MSR1: variants seen among roughly 807,000 people sequenced by gnomAD.
MSR1 encodes macrophage scavenger receptor 1, also known as macrophage scavenger receptor types I and II.
MSR1 carries 53 observed loss-of-function variants against 47.2 expected under a neutral mutation model. That is an observed-to-expected ratio of 1.12 (90% confidence interval 0.90 to 1.41). MSR1 has a LOEUF of 1.41. MSR1 is among the 40% of genes most tolerant of loss of function. The pLI, the probability that MSR1 is intolerant of heterozygous loss-of-function variation, is 0.00. For synonymous variants in MSR1, 239 were observed against 185.6 expected (o/e 1.29, Z -2.34); for missense variants, 786 against 546.9 (o/e 1.44, Z -4.36).
At chr8:16,176,219 G>C (rs1311822167) in intron 2 of MSR1, among the ~76,000 whole-genome samples, 1 of 152,084 alleles carries the variant, frequency 6.6e-6, no homozygotes, top group African/African-American at 2.4e-5. Context: ...GTAAAGAAAA[G>C]AGAAGAGCTG....
intron 9 of MSR1, among the ~76,000 whole-genome samples, chr8:16,115,811 C>G (rs981603328): frequency 2.0e-5 from 3 of 151,744 alleles, no homozygotes; most frequent in African/African-American, 7.3e-5. Flanking sequence ...GAACCTGTCT[C>G]TATAAGAAAT....
chr8:16,171,881 C>T (rs1035473856), intron 3 of MSR1, among the ~76,000 whole-genome samples: 3 of 152,110 alleles, frequency 2.0e-5, no homozygotes, highest in African/African-American at 7.2e-5. Flanking sequence ...TCTATTTCAC[C>T]ACCTGTATAA....
intron 3 of MSR1, among the ~76,000 whole-genome samples, chr8:16,174,253 T>TTG (rs1801574138): frequency 1.3e-5 from 2 of 151,574 alleles, no homozygotes; most frequent in Non-Finnish European, 3.0e-5. Context: ...TAGGAACTTT[T>TTG]TTGTTGTTGT....
intron 9 of MSR1, among the ~76,000 whole-genome samples, chr8:16,115,094 G>A (rs148464960): frequency 0.019 from 2,889 of 152,160 alleles, 102 homozygotes; most frequent in African/African-American, 0.065. Flanking sequence ...TAGGAGAATC[G>A]CTTGAACCTG....
rs1264648133 is a variant in MSR1, at chr8:16,150,318, T to G, written c.899-7A>C. On this transcript the variant is annotated splice_polypyrimidine_tract_variant and splice_region_variant and intron_variant, in intron 6 of 9. Transcript: ENST00000262101. ...CCTTTAAGACCCGGAGGACCTACAT[T>G]ATTAACGAAGAAAAAAAGAAGGTAA... is the stretch of plus-strand genomic sequence containing the variant. 4.5e-6 allele frequency: 7 copies of G among 1,540,766 alleles called. No individual in the cohort carries two copies. Among genetic ancestry groups the G allele is most frequent in the Non-Finnish European group, 6.2e-6 (7 of 1,135,418 alleles).
rs762108439 is a variant in MSR1, at chr8:16,164,135, G to C, written c.747C>G (p.Asn249Lys). 1 of 1,611,984 alleles carries C rather than the reference G, an allele frequency of 6.2e-7. No homozygotes were observed. Among genetic ancestry groups the C allele is most frequent in the East Asian group, 2.2e-5 (1 of 44,712 alleles). The change falls in exon 5 of 10, where the codon AAC becomes AAG. Residue 249 changes from asparagine to lysine, a missense_variant. Transcript: ENST00000262101. ...EIKGEVKVLN[N>K]ITNDLRLKDW... ...CTTTCAGTCTGAGATCATTAGTGAT[G>C]TTATTCAGTACTTTCACTTCTCCTT...
intron 1 of MSR1, among the ~76,000 whole-genome samples, chr8:16,190,821 A>G (rs1285828450): frequency 8.0e-5 from 12 of 150,942 alleles, no homozygotes; most frequent in African/African-American, 2.7e-4. Flanking sequence ...TCCTGGGTTC[A>G]TGTGATTCTC....
At chr8:16,154,405 C>A (rs768998520) in intron 6 of MSR1, among the ~76,000 whole-genome samples, 2 of 151,740 alleles carry the variant, frequency 1.3e-5, no homozygotes, top group Non-Finnish European at 2.9e-5. Context: ...TCTTCTGTGT[C>A]TTCTTTCAAA....
rs201351339 is a variant in MSR1 at position 16,177,913 on chromosome 8, G to A, written c.76C>T (p.Arg26Cys). The change falls in exon 2 of 10, where the codon CGC (arginine) becomes TGC (cysteine). Residue 26 changes from arginine to cysteine, a missense_variant. By Grantham distance (180) the Arg-to-Cys change is radical (BLOSUM62 -3). Coordinates refer to ENST00000262101, the MANE Select transcript of MSR1 (RefSeq NM_138715.3). Reference sequence around the variant, plus strand: ...GGAGGAAGCAAAGCTGTCATTGAGCGAGCATCAAATTTCACAGATTCGGAG... The same window carrying A: ...GGAGGAAGCAAAGCTGTCATTGAGCAAGCATCAAATTTCACAGATTCGGAG... ...SCSESVKFDA[R>C]SMTALLPPNP... 2.0e-5 allele frequency: 32 copies of A among 1,613,708 alleles called. No individual in the cohort carries two copies. In the East Asian group the frequency reaches 2.5e-4, roughly 12 times the overall value.
chr8:16,141,203 T>C lies in MSR1; in HGVS notation c.1033+2355A>G, dbSNP rs1057254791. The C allele has an allele frequency of 1.3e-5, 10 of 752,936 alleles. No individual in the cohort carries two copies. In the African/African-American group the frequency reaches 1.4e-4, roughly 11 times the overall value. The allele number at this position is 752,936 out of a possible 1,614,324, so 46.6% of individuals were successfully genotyped here. On this transcript the variant is annotated intron_variant, in intron 8 of 9. Transcript: ENST00000262101. Reference sequence around the variant, plus strand: ...ATCAGGCACTTTCATACAGAATAAATTGGTACAAGCTTTTAGCAGCCATTT... The same window carrying C: ...ATCAGGCACTTTCATACAGAATAAACTGGTACAAGCTTTTAGCAGCCATTT...
intron 7 of MSR1, among the ~76,000 whole-genome samples, chr8:16,148,138 T>C (rs1269670818): frequency 6.6e-6 from 1 of 152,176 alleles, no homozygotes; most frequent in Non-Finnish European, 1.5e-5. Context: ...CAGTATGGAA[T>C]TAATCACTCC....
intron 1 of MSR1, among the ~76,000 whole-genome samples, chr8:16,189,756 A>G (rs1324648591): frequency 7.8e-6 from 1 of 128,974 alleles, no homozygotes; most frequent in Non-Finnish European, 1.6e-5. Context: ...CTTATTTTAT[A>G]TATATTTTAT....
At chr8:16,137,978 C>A (rs1585150659) in intron 8 of MSR1, among the ~76,000 whole-genome samples, 1 of 147,922 alleles carries the variant, frequency 6.8e-6, no homozygotes, top group African/African-American at 2.5e-5. Flanking sequence ...TGCAACAGAG[C>A]AAGACTCTGT....
At chr8:16,188,606 C>A (rs925711095) in intron 1 of MSR1, among the ~76,000 whole-genome samples, 7 of 151,956 alleles carry the variant, frequency 4.6e-5, no homozygotes, top group African/African-American at 1.4e-4. Flanking sequence ...AGCCCATCAT[C>A]TAGGTTTTAA....
intron 4 of MSR1, among the ~76,000 whole-genome samples, chr8:16,167,788 T>C (rs1801357652): frequency 6.6e-6 from 1 of 152,222 alleles, no homozygotes; most frequent in Admixed American, 6.5e-5. Context: ...GTCTTTCTTA[T>C]ATTATTCAAA....
chr8:16,188,875 G>A (rs575402625), intron 1 of MSR1, among the ~76,000 whole-genome samples: 4 of 151,334 alleles, frequency 2.6e-5, no homozygotes, highest in African/African-American at 9.7e-5. Flanking sequence ...AGTCCATGGT[G>A]TATATATGCC....
chr8:16,115,247 CT>C (rs1222347094), intron 9 of MSR1, among the ~76,000 whole-genome samples: 1 of 152,168 alleles, frequency 6.6e-6, no homozygotes, highest in Non-Finnish European at 1.5e-5. Flanking sequence ...GAACCTGATT[CT>C]TCTCACTTTC....
intron 8 of MSR1, among the ~76,000 whole-genome samples, chr8:16,131,215 G>C (rs1326897830): frequency 1.3e-5 from 2 of 151,910 alleles, no homozygotes; most frequent in Admixed American, 1.3e-4. Context: ...TGTGCTTTTG[G>C]TTTGCATTTC....
intron 1 of MSR1, among the ~76,000 whole-genome samples, 181 bp downstream of exon 1, chr8:16,192,417 A>G (rs1052859901): frequency 1.3e-5 from 2 of 152,114 alleles, no homozygotes; most frequent in African/African-American, 4.8e-5. Context: ...TTTTTTGATT[A>G]TCGAAAAAAA....
Sources: allele counts gnomAD v4.1 joint callset (sites outside exome capture counted in the v4.1 genomes callset), GRCh38; gene constraint gnomAD v4.1.1; transcripts MANE v1.5; gene names NCBI Gene and HGNC (gene_info 2026-07-23, HGNC 2026-07-21).